The following TGM5 variants were observed in gnomAD, a reference collection of about 807,000 sequenced individuals.
TGM5 encodes transglutaminase 5.
A neutral mutation model predicts 77.2 loss-of-function variants in TGM5; 69 were observed. The observed-to-expected ratio is 0.89, with a 90% CI of 0.74 to 1.09. The LOEUF is 1.09. TGM5 is among the 50% of genes least tolerant of loss of function. The pLI, the probability that TGM5 is intolerant of heterozygous loss-of-function variation, is 0.00. For synonymous variants in TGM5, 346 were observed against 351.8 expected, an observed-to-expected ratio of 0.98 and a Z score of 0.18; for missense variants, 842 against 896.5, an observed-to-expected ratio of 0.94 and a Z score of 0.78.
At chr15:43,259,679 T>C (rs1372720088) in intron 3 of TGM5, among the ~76,000 whole-genome samples, 4 of 152,272 alleles carry the variant, frequency 2.6e-5, no homozygotes, top group African/African-American at 9.6e-5. Flanking sequence ...CACTTTTCTC[T>C]TTCTTTTTTT....
At chr15:43,256,033 A>G (rs557698567) in intron 4 of TGM5, among the ~76,000 whole-genome samples, 1 of 152,358 alleles carries the variant, frequency 6.6e-6, no homozygotes, top group South Asian at 2.1e-4. Flanking sequence ...AATTAAAAAG[A>G]TGTATCATCA....
chr15:43,251,364 G>A (rs906235917), intron 6 of TGM5, among the ~76,000 whole-genome samples: 2 of 151,838 alleles, frequency 1.3e-5, no homozygotes, highest in Non-Finnish European at 2.9e-5. Flanking sequence ...CAGATGCCTG[G>A]GGCTCTCTGA....
chr15:43,265,044 A>G (rs1290245209), intron 1 of TGM5, among the ~76,000 whole-genome samples: 1 of 152,252 alleles, frequency 6.6e-6, no homozygotes, highest in African/African-American at 2.4e-5. Flanking sequence ...GATTTAATCA[A>G]CATCTTATTG....
intron 1 of TGM5, 192 bp from the exon 2 acceptor site, chr15:43,260,771 T>A: frequency 1.4e-6 from 1 of 699,396 alleles, no homozygotes; most frequent in Non-Finnish European, 2.6e-6. Context: ...GTTCCATGCA[T>A]GCGCTTTCCT....
intron 6 of TGM5, among the ~76,000 whole-genome samples, chr15:43,252,129 C>T (rs563955493): frequency 6.6e-6 from 1 of 152,294 alleles, no homozygotes; most frequent in South Asian, 2.1e-4. Flanking sequence ...TACTCAGCCT[C>T]TCATCTCATT....
At position 43,240,956 on chromosome 15, in the gene TGM5, G is replaced by A. The variant is rs886051172; in HGVS notation, c.897C>T (p.Ile299=). The A allele has an allele frequency of 1.2e-6, 2 of 1,614,052 alleles. No homozygotes were observed. The highest frequency in any genetic ancestry group is 2.7e-5 in the African/African-American group (2 of 74,914). Residue 299 remains isoleucine, a synonymous_variant, in exon 7 of 13, where the codon ATC becomes ATT. Transcript: ENST00000220420. ...MRCLGIPTRV[I]TNFDSGHDTD... The stretch of plus-strand genomic sequence containing the variant: ...TATCGTGGCCAGAGTCGAAGTTGGT[G>A]ATCACACGGGTAGGGATCCCCAGAC...
intron 7 of TGM5, 32 bp from the exon 8 acceptor site, chr15:43,239,298 A>C: frequency 6.2e-7 from 1 of 1,606,174 alleles, no homozygotes; most frequent in Non-Finnish European, 8.5e-7. Context: ...GAGACGTTGT[A>C]CTGCTTGGTC....
At chr15:43,244,870 C>A (rs1320310039) in intron 6 of TGM5, among the ~76,000 whole-genome samples, 1 of 152,052 alleles carries the variant, frequency 6.6e-6, no homozygotes, top group Non-Finnish European at 1.5e-5. Flanking sequence ...GAGTTTGAGA[C>A]CAGCCTGGGC....
At chr15:43,235,363 A>C in intron 10 of TGM5, 106 bp downstream of exon 10, 1 of 1,493,506 alleles carries the variant, frequency 6.7e-7, no homozygotes, top group Non-Finnish European at 9.2e-7. Flanking sequence ...GGGACAGTAG[A>C]AATGATGGTG....
intron 10 of TGM5, 121 bp from the exon 11 acceptor site, chr15:43,235,050 C>T: frequency 4.0e-6 from 5 of 1,245,374 alleles, no homozygotes; most frequent in South Asian, 1.3e-5. Context: ...CCCAGGGAAG[C>T]AGGTGGCAGC....
Position 43,233,124 on chromosome 15 carries a change from C to T in TGM5, c.*67G>A. 3.1e-6 allele frequency: 5 copies of T among 1,596,894 alleles called. No homozygotes were observed. The highest frequency in any genetic ancestry group is 4.3e-6 in the Non-Finnish European group (5 of 1,168,950). On this transcript the variant is annotated 3_prime_UTR_variant, in exon 13 of 13. Transcript: ENST00000220420. ...TCTGTTGTGGTGGGGAATGGCGCAG[C>T]TTGCATTTGAACTTGCTCCTTTTCC...
At chr15:43,259,567 T>C (rs2142381028) in intron 3 of TGM5, among the ~76,000 whole-genome samples, 1 of 152,324 alleles carries the variant, frequency 6.6e-6, no homozygotes, top group East Asian at 1.9e-4. Flanking sequence ...AGAACACTTT[T>C]GTAAAACTAC....
At position 43,239,220 on chromosome 15, in the gene TGM5, G is replaced by T. The variant is rs1448044415; in HGVS notation, c.1048C>A (p.Pro350Thr). 6.2e-7 allele frequency: 1 copy of T among 1,614,128 alleles called. No homozygotes were observed. The highest frequency in any genetic ancestry group is 8.5e-7 in the Non-Finnish European group (1 of 1,180,010). Reference sequence around the variant, plus strand: ...ACCTGCCAGCCTCCATATGCAGGGGGCAGATCCTTCCGGGCCATCCAGCAC... The same window carrying T: ...ACCTGCCAGCCTCCATATGCAGGGGTCAGATCCTTCCGGGCCATCCAGCAC... ...NECWMARKDL[P>T]PAYGGWQVLD... Residue 350 changes from proline to threonine, a missense_variant, in exon 8 of 13, where the codon CCC (proline) becomes ACC (threonine). Transcript: ENST00000220420.
At chr15:43,242,699 G>C (rs898569987) in intron 6 of TGM5, among the ~76,000 whole-genome samples, 2 of 152,206 alleles carry the variant, frequency 1.3e-5, no homozygotes. Flanking sequence ...AAGCCCAAAG[G>C]GAGCCTTGAG....
chr15:43,245,064 CAG>C (rs2042661563), intron 6 of TGM5, among the ~76,000 whole-genome samples: 1 of 151,814 alleles, frequency 6.6e-6, no homozygotes, highest in Non-Finnish European at 1.5e-5. Flanking sequence ...GCCTGGGTGA[CAG>C]AGTGAGATCC....
rs982755091 is a variant in TGM5, at chr15:43,252,637, G to T, written c.862+122C>A. ...GGCCGAGACATTTCAGAGAGGAAAA[G>T]GGCTTCCTTCCAAATGTCCCTTGGT... On this transcript the variant is annotated intron_variant, in intron 6 of 12. Transcript: ENST00000220420. The T allele has an allele frequency of 1.3e-5, 17 of 1,283,862 alleles. No homozygotes were observed. In the African/African-American group the frequency reaches 2.2e-4, roughly 17 times the overall value. 79.5% of individuals were successfully genotyped at this position (1,283,862 alleles called of 1,614,324 possible).
chr15:43,265,810 G>A (rs980532567), intron 1 of TGM5, among the ~76,000 whole-genome samples: 5 of 152,150 alleles, frequency 3.3e-5, no homozygotes, highest in African/African-American at 1.2e-4. Context: ...CCATCAATAG[G>A]GGACAGGATT....
At chr15:43,238,185 C>T (rs34646108) in intron 9 of TGM5, among the ~76,000 whole-genome samples, 18,984 of 152,236 alleles carry the variant, frequency 0.12, 1,330 homozygotes, top group East Asian at 0.21. Flanking sequence ...CAGATCCTCC[C>T]CAGCCAGATC....
intron 6 of TGM5, 145 bp from the exon 7 acceptor site, chr15:43,241,135 A>G (rs1273933575): frequency 9.2e-6 from 10 of 1,092,328 alleles, no homozygotes; most frequent in Non-Finnish European, 1.3e-5. Context: ...TGGAATAGTG[A>G]TATTTCCAAC....
Sources: allele counts gnomAD v4.1 joint callset (sites outside exome capture counted in the v4.1 genomes callset), GRCh38; gene constraint gnomAD v4.1.1; transcripts MANE v1.5; gene names NCBI Gene and HGNC (gene_info 2026-07-23, HGNC 2026-07-21).